The following DNM3 variants were observed in gnomAD, a reference collection of about 807,000 sequenced individuals.
DNM3 encodes dynamin 3.
DNM3 carries 47 observed loss-of-function variants against 101.6 expected under a neutral mutation model. That is an observed-to-expected ratio of 0.46 (90% confidence interval 0.37 to 0.59). DNM3 has a LOEUF of 0.59. Among genes scored for constraint, DNM3 ranks in the 20% least tolerant of loss-of-function variants. DNM3 has a pLI of 0.00. For synonymous variants in DNM3, 385 were observed against 387.9 expected (o/e 0.99, Z 0.09); for missense variants, 849 against 1,085.7 (o/e 0.78, Z 3.06).
intron 10 of DNM3, 21 bp downstream of exon 10, chr1:172,048,771 T>C: frequency 6.2e-7 from 1 of 1,608,384 alleles, no homozygotes; most frequent in South Asian, 1.1e-5. Context: ...ATTATTTAAC[T>C]TTCCAGTACG....
At chr1:172,161,971 A>G (rs904806321) in intron 14 of DNM3, among the ~76,000 whole-genome samples, 2 of 152,096 alleles carry the variant, frequency 1.3e-5, no homozygotes, top group African/African-American at 4.8e-5. Context: ...CTCGTTTTCT[A>G]AAAGTGTGAT....
At chr1:172,064,497 C>A (rs2051494719) in intron 10 of DNM3, among the ~76,000 whole-genome samples, 2 of 151,714 alleles carry the variant, frequency 1.3e-5, no homozygotes, top group Admixed American at 1.3e-4. Context: ...CTGAGCAGGG[C>A]ACAGTTTGAA....
At chr1:172,137,673 T>G (rs1224690062) in intron 14 of DNM3, 2 of 152,198 alleles carry the variant, frequency 1.3e-5, no homozygotes, top group African/African-American at 2.4e-5. Flanking sequence ...TTGAGTAGCC[T>G]TGTGTTACAT....
chr1:171,873,099 C>T lies in DNM3; in HGVS notation c.161+31282C>T, dbSNP rs148057283. On this transcript the variant is annotated intron_variant, in intron 1 of 20. Transcript: ENST00000627582. ...TTTGTAAGATATAAAGGTGTCTATTCTTTAAGAAGTCAAGTTGAATCATAT... is the reference window on the plus strand; with the variant it reads ...TTTGTAAGATATAAAGGTGTCTATTTTTTAAGAAGTCAAGTTGAATCATAT... Among the ~76,000 whole-genome samples the T allele has an allele frequency of 2.4e-3, 371 of 152,242 alleles. 1 individual carries two copies. Among genetic ancestry groups the T allele is most frequent in the African/African-American group, 8.2e-3 (340 of 41,546 alleles).
At chr1:172,240,803 T>G (rs886811889) in intron 14 of DNM3, among the ~76,000 whole-genome samples, 2 of 152,146 alleles carry the variant, frequency 1.3e-5, no homozygotes, top group Admixed American at 6.6e-5. Flanking sequence ...AAGCAATCAC[T>G]ATTCTAAACT....
intron 2 of DNM3, among the ~76,000 whole-genome samples, chr1:171,981,967 T>G (rs2044835329): frequency 6.6e-6 from 1 of 152,220 alleles, no homozygotes; most frequent in Non-Finnish European, 1.5e-5. Flanking sequence ...CACTGACTAC[T>G]CACATTGATG....
intron 18 of DNM3, 170 bp from the exon 19 acceptor site, chr1:172,386,963 G>T (rs139420029): frequency 8.5e-6 from 5 of 587,642 alleles, no homozygotes; most frequent in South Asian, 3.9e-5. Flanking sequence ...CAGTACTGGG[G>T]ATAGAGACAA....
intron 2 of DNM3, among the ~76,000 whole-genome samples, chr1:171,925,294 C>T (rs533632558): frequency 6.6e-6 from 1 of 151,826 alleles, no homozygotes; most frequent in Admixed American, 6.6e-5. Context: ...GTGGTGCGAT[C>T]TCAGCTCACT....
At chr1:171,932,047 T>C (rs1193731977) in intron 2 of DNM3, among the ~76,000 whole-genome samples, 4 of 53,922 alleles carry the variant, frequency 7.4e-5, no homozygotes, top group African/African-American at 1.6e-4. Context: ...CCTCTCCCCA[T>C]CCCCCACCCT....
intron 17 of DNM3, among the ~76,000 whole-genome samples, chr1:172,356,973 A>G (rs1000380561): frequency 6.6e-6 from 1 of 152,048 alleles, no homozygotes; most frequent in African/African-American, 2.4e-5. Flanking sequence ...GGAGGCTCCC[A>G]ATGACTAAAT....
intron 2 of DNM3, among the ~76,000 whole-genome samples, chr1:171,961,947 G>A (rs1188623743): frequency 6.6e-6 from 1 of 152,206 alleles, no homozygotes; most frequent in Non-Finnish European, 1.5e-5. Context: ...CAGTTATGGA[G>A]GCTGAGAAGT....
chr1:172,163,985 A>T (rs530361445), intron 14 of DNM3, among the ~76,000 whole-genome samples: 13 of 144,560 alleles, frequency 9.0e-5, no homozygotes, highest in Non-Finnish European at 1.8e-4. Flanking sequence ...ACACACACAC[A>T]CATCTCACAT....
chr1:172,319,369 A>G (rs2065575454), intron 16 of DNM3, among the ~76,000 whole-genome samples: 1 of 152,340 alleles, frequency 6.6e-6, no homozygotes, highest in South Asian at 2.1e-4. Flanking sequence ...AATGGCAACA[A>G]AAGCCAAAAT....
chr1:172,198,021 T>G (rs2060016729), intron 14 of DNM3, among the ~76,000 whole-genome samples: 2 of 152,160 alleles, frequency 1.3e-5, no homozygotes, highest in South Asian at 4.1e-4. Context: ...TTTTTCCCAT[T>G]CAGTAAAATG....
intron 4 of DNM3, among the ~76,000 whole-genome samples, chr1:172,008,853 T>TTATATTAC (rs2046885334): frequency 7.2e-6 from 1 of 138,912 alleles, no homozygotes; most frequent in African/African-American, 2.6e-5. Flanking sequence ...ATATATTATA[T>TTATATTAC]TATATTACTA....
At chr1:172,405,379 A>G (rs868420119) in intron 20 of DNM3, among the ~76,000 whole-genome samples, 1 of 152,048 alleles carries the variant, frequency 6.6e-6, no homozygotes, top group South Asian at 2.1e-4. Flanking sequence ...TACGAGAGAC[A>G]CAAACATGAA....
At chr1:172,336,941 T>C (rs1287163548) in intron 17 of DNM3, among the ~76,000 whole-genome samples, 1 of 152,220 alleles carries the variant, frequency 6.6e-6, no homozygotes, top group East Asian at 1.9e-4. Context: ...GAGTTAATAT[T>C]TGTGAAATAT....
At chr1:172,073,393 G>A (rs2052379826) in intron 11 of DNM3, among the ~76,000 whole-genome samples, 1 of 151,766 alleles carries the variant, frequency 6.6e-6, no homozygotes, top group Non-Finnish European at 1.5e-5. Flanking sequence ...ATGCATATAG[G>A]TATATATGTG....
intron 17 of DNM3, among the ~76,000 whole-genome samples, chr1:172,353,709 C>A (rs990826580): frequency 1.3e-5 from 2 of 152,020 alleles, no homozygotes; most frequent in East Asian, 1.9e-4. Context: ...AATTATGAAA[C>A]CTTTTTGACT....
Sources: allele counts gnomAD v4.1 joint callset (sites outside exome capture counted in the v4.1 genomes callset), GRCh38; gene constraint gnomAD v4.1.1; transcripts MANE v1.5; gene names NCBI Gene and HGNC (gene_info 2026-07-23, HGNC 2026-07-21).